SCEL: variants seen among roughly 807,000 people sequenced by gnomAD.
The protein encoded by SCEL is sciellin.
A neutral mutation model predicts 117.6 loss-of-function variants in SCEL; 113 were observed. That is an observed-to-expected ratio of 0.96 (90% CI 0.83 to 1.12). SCEL has a LOEUF of 1.12. Ranked by LOEUF, SCEL falls within the 50% of genes most tolerant of loss-of-function variation. The probability of loss-of-function intolerance (pLI) is 0.00; values close to 1 mark genes in which losing one functional copy is unlikely to be tolerated. For synonymous variants in SCEL, 270 were observed against 256.2 expected, an observed-to-expected ratio of 1.05 and a Z score of -0.51; for missense variants, 785 against 810.8, an observed-to-expected ratio of 0.97 and a Z score of 0.39.
At position 77,600,285 on chromosome 13, in the gene SCEL, C is replaced by T. The variant is rs571102508; in HGVS notation, c.917+537C>T. Among the ~76,000 whole-genome samples, 19 of 152,160 alleles carry T rather than the reference C, an allele frequency of 1.2e-4. No homozygotes were observed. The East Asian group carries it at 2.9e-3, about 23-fold the overall frequency. ...CTGGGATTTCAAGTGCCCGCCACCACGCCCAGCTAATTTTTGTATTTTTAG... is the reference window on the plus strand; with the variant it reads ...CTGGGATTTCAAGTGCCCGCCACCATGCCCAGCTAATTTTTGTATTTTTAG... On this transcript the variant is annotated intron_variant, in intron 15 of 32. Coordinates refer to ENST00000349847, the MANE Select transcript of SCEL (RefSeq NM_144777.3).
At chr13:77,552,199 G>A (rs1205540093) in intron 1 of SCEL, among the ~76,000 whole-genome samples, 1 of 150,352 alleles carries the variant, frequency 6.7e-6, no homozygotes, top group Non-Finnish European at 1.5e-5. Context: ...TAGTCCTTTG[G>A]GTATATACCC....
intron 13 of SCEL, among the ~76,000 whole-genome samples, chr13:77,598,721 C>T (rs1210399806): frequency 6.6e-6 from 1 of 151,948 alleles, no homozygotes; most frequent in African/African-American, 2.4e-5. Flanking sequence ...CTCGCTCTGT[C>T]GCCCAGGCTG....
At chr13:77,571,091 A>G (rs1269387467) in intron 8 of SCEL, among the ~76,000 whole-genome samples, 2 of 150,804 alleles carry the variant, frequency 1.3e-5, no homozygotes, top group African/African-American at 4.9e-5. Flanking sequence ...CAGCCTCCCA[A>G]AGTGCTGGGA....
intron 3 of SCEL, among the ~76,000 whole-genome samples, chr13:77,557,773 G>A (rs748723153): frequency 5.9e-5 from 9 of 152,080 alleles, no homozygotes; most frequent in Admixed American, 1.3e-4. Flanking sequence ...TATAAATCAC[G>A]GGACAGCTCC....
At chr13:77,612,063 A>T (rs572499363) in intron 22 of SCEL, among the ~76,000 whole-genome samples, 2 of 152,222 alleles carry the variant, frequency 1.3e-5, no homozygotes, top group African/African-American at 4.8e-5. Flanking sequence ...AGTAATTTAC[A>T]TGGAAGGATA....
Position 77,555,867 on chromosome 13 carries a change from GA to G in SCEL, c.-7del. 6.8e-6 allele frequency: 11 copies of G among 1,611,372 alleles called. No homozygotes were observed. The highest frequency in any genetic ancestry group is 9.3e-6 in the Non-Finnish European group (11 of 1,177,684). ...CCATTTTTCTTTTAGGTCCTTACTG[GA>G]AGGCAGCATGTCCAATGTTACCTTG... On this transcript the variant is annotated 5_prime_UTR_variant, in exon 2 of 33. Transcript: ENST00000349847.
intron 27 of SCEL, 60 bp downstream of exon 27, chr13:77,618,120 C>G: frequency 1.6e-6 from 2 of 1,282,440 alleles, no homozygotes; most frequent in South Asian, 2.4e-5. Context: ...ACTTCTCCCT[C>G]CCTCCTTGCC....
chr13:77,616,498 A>G (rs1332704692), intron 24 of SCEL, among the ~76,000 whole-genome samples: 1 of 152,072 alleles, frequency 6.6e-6, no homozygotes, highest in Non-Finnish European at 1.5e-5. Flanking sequence ...GTATTTATAG[A>G]TATCAATTTA....
chr13:77,643,100 A>G (rs1415087726), intron 32 of SCEL, among the ~76,000 whole-genome samples: 1 of 152,160 alleles, frequency 6.6e-6, no homozygotes, highest in East Asian at 1.9e-4. Context: ...GTCTACTCAC[A>G]TAATTGTTTA....
chr13:77,583,791 A>T (rs1178473352), intron 9 of SCEL, among the ~76,000 whole-genome samples: 5 of 152,222 alleles, frequency 3.3e-5, no homozygotes, highest in African/African-American at 1.2e-4. Flanking sequence ...AGTAATAGAC[A>T]TGTTCACACA....
chr13:77,612,922 A>T lies in SCEL; in HGVS notation c.1369A>T (p.Ile457Phe), dbSNP rs370609753. The T allele has an allele frequency of 4.6e-5, 72 of 1,564,948 alleles. No homozygotes were observed. Among genetic ancestry groups the T allele is most frequent in the Non-Finnish European group, 6.1e-5 (71 of 1,157,066 alleles). Residue 457 changes from isoleucine (I) to phenylalanine (F), a missense_variant, in exon 23 of 33, where the codon ATC becomes TTC. Ile to Phe is a conservative substitution (Grantham distance 21). Coordinates refer to ENST00000349847, the MANE Select transcript of SCEL (RefSeq NM_144777.3). ...AGACTTGGAAAATCTTATCAAAGTG[A>T]TCCCTTCAGCAAACAAAAGGTAAAC... is the stretch of plus-strand genomic sequence containing the variant. ...NQDLENLIKV[I>F]PSANKSSEQG...
intron 1 of SCEL, among the ~76,000 whole-genome samples, chr13:77,547,980 TC>T (rs2154394737): frequency 6.6e-6 from 1 of 152,258 alleles, no homozygotes; most frequent in East Asian, 1.9e-4. Context: ...AGTATATAGC[TC>T]TCTGGCCAAA....
chr13:77,621,930 G>A (rs531041122), intron 27 of SCEL, among the ~76,000 whole-genome samples: 4 of 152,180 alleles, frequency 2.6e-5, no homozygotes, highest in Non-Finnish European at 5.9e-5. Flanking sequence ...TACCCAAATT[G>A]CCTAACTGCT....
chr13:77,542,184 C>T (rs1030097231), intron 1 of SCEL, among the ~76,000 whole-genome samples: 3 of 152,124 alleles, frequency 2.0e-5, no homozygotes, highest in Non-Finnish European at 4.4e-5. Flanking sequence ...AGGCGGATCA[C>T]GAGGTCAGGA....
chr13:77,580,592 T>G (rs2086212849), intron 9 of SCEL, among the ~76,000 whole-genome samples: 1 of 152,228 alleles, frequency 6.6e-6, no homozygotes, highest in Non-Finnish European at 1.5e-5. Context: ...GGAGATTCAG[T>G]GGTTAAATGG....
At chr13:77,589,421 ACTTGT>A (rs1262220506) in intron 10 of SCEL, among the ~76,000 whole-genome samples, 197 bp downstream of exon 10, 4 of 152,202 alleles carry the variant, frequency 2.6e-5, no homozygotes, top group Admixed American at 1.3e-4. Flanking sequence ...CTAATGGCTA[ACTTGT>A]CTTAAGAAAA....
intron 11 of SCEL, among the ~76,000 whole-genome samples, chr13:77,591,807 T>C (rs2086889894): frequency 6.6e-6 from 1 of 152,204 alleles, no homozygotes; most frequent in African/African-American, 2.4e-5. Flanking sequence ...GAAATACAGT[T>C]GTTCAGTTGA....
At chr13:77,549,582 A>G (rs1333579310) in intron 1 of SCEL, among the ~76,000 whole-genome samples, 1 of 152,188 alleles carries the variant, frequency 6.6e-6, no homozygotes, top group African/African-American at 2.4e-5. Context: ...TTTTCAAACC[A>G]CAAATGGGAA....
intron 1 of SCEL, among the ~76,000 whole-genome samples, chr13:77,554,150 G>C (rs2084512269): frequency 6.6e-6 from 1 of 152,182 alleles, no homozygotes; most frequent in Non-Finnish European, 1.5e-5. Flanking sequence ...AAGTGAGCAA[G>C]GATGTGCTCT....
Sources: gnomAD v4.1 joint callset for allele counts (sites outside exome capture counted in the v4.1 genomes callset) on GRCh38, gnomAD v4.1.1 for gene constraint, MANE v1.5 for transcripts, NCBI Gene and HGNC (gene_info 2026-07-23, HGNC 2026-07-21) for gene names.